Variants in TMEM231 observed in about 807,000 individuals in gnomAD.
TMEM231 encodes the protein transmembrane protein 231.
In TMEM231, 40 loss-of-function variants were observed where a neutral mutation model predicts 38.5. The observed-to-expected ratio is 1.04, with a 90% CI of 0.81 to 1.35. The LOEUF (loss-of-function observed/expected upper bound fraction) is 1.35. Ranked by LOEUF, TMEM231 falls within the 40% of genes most tolerant of loss-of-function variation. TMEM231 has a pLI of 0.00. For missense variants in TMEM231, 420 were observed against 416.9 expected (o/e 1.01, Z -0.07); for synonymous variants, 199 against 181.7 (o/e 1.10, Z -0.77).
chr16:75,551,436 A>C (rs529112794), intron 2 of TMEM231, among the ~76,000 whole-genome samples: 21 of 151,884 alleles, frequency 1.4e-4, no homozygotes, highest in Middle Eastern at 3.4e-3. Flanking sequence ...TCAAGGGGCT[A>C]GCCTCCCAAA....
chr16:75,546,227 C>A, intron 2 of TMEM231: 1 of 911,330 alleles, frequency 1.1e-6, no homozygotes, highest in Non-Finnish European at 1.6e-6. Context: ...AGTATTTGTG[C>A]CTTTCAGTTG....
intron 2 of TMEM231, among the ~76,000 whole-genome samples, chr16:75,550,905 CG>C (rs1238624251): frequency 6.6e-6 from 1 of 151,946 alleles, no homozygotes; most frequent in African/African-American, 2.4e-5. Context: ...TTAGTAGAGA[CG>C]GGGTTTCACC....
At chr16:75,554,764 G>A (rs2080793854) in intron 2 of TMEM231, among the ~76,000 whole-genome samples, 1 of 152,040 alleles carries the variant, frequency 6.6e-6, no homozygotes, top group Non-Finnish European at 1.5e-5. Context: ...CAGAATATAA[G>A]AACATTTATA....
chr16:75,540,258 T>A (rs1232181198), intron 6 of TMEM231, 84 bp from the exon 7 acceptor site: 2 of 1,383,410 alleles, frequency 1.4e-6, no homozygotes, highest in Non-Finnish European at 1.9e-6. Context: ...GGCAGAGGTA[T>A]CTCGAAAGGA....
At chr16:75,546,775 C>A (rs756823406) in intron 2 of TMEM231, among the ~76,000 whole-genome samples, 6 of 152,142 alleles carry the variant, frequency 3.9e-5, no homozygotes, top group African/African-American at 1.2e-4. Flanking sequence ...TCTGAAACCA[C>A]GAGTGTCTTT....
In TMEM231 at chr16:75,537,241, T is replaced by C. The variant is rs1366915054; in HGVS notation, c.*2753A>G. ...AAACCCCCAGGTTGTACAATTTAGC[T>C]ATATACGAAACCCATACATATACCC... On this transcript the variant is annotated 3_prime_UTR_variant, in exon 7 of 7. Transcript: ENST00000258173. The C allele has an allele frequency of 6.6e-6, 1 of 151,364 alleles. No homozygotes were observed. Among genetic ancestry groups the C allele is most frequent in the East Asian group, 1.9e-4 (1 of 5,160 alleles). The allele number at this position is 151,364 out of a possible 1,614,324, so 9.4% of individuals were successfully genotyped here.
At chr16:75,549,388 C>T (rs566337730) in intron 2 of TMEM231, among the ~76,000 whole-genome samples, 115 of 152,308 alleles carry the variant, frequency 7.6e-4, no homozygotes, top group South Asian at 2.3e-3. Flanking sequence ...ATATCTACAA[C>T]GTATATACAG....
rs2080566497 is a variant in TMEM231 at position 75,537,013 on chromosome 16, T to G, written c.*2981A>C. 1 of 150,316 alleles carries G rather than the reference T, an allele frequency of 6.7e-6. No individual in the cohort carries two copies. Among genetic ancestry groups the G allele is most frequent in the Admixed American group, 6.7e-5 (1 of 14,972 alleles). The allele number at this position is 150,316 out of a possible 1,614,324, so 9.3% of individuals were successfully genotyped here. A position where few individuals can be genotyped will look rare whatever the true frequency, so the allele number is the denominator to read the frequency against. On this transcript the variant is annotated 3_prime_UTR_variant, in exon 7 of 7. Coordinates refer to ENST00000258173, the MANE Select transcript of TMEM231 (RefSeq NM_001077418.3). Reference sequence around the variant, plus strand: ...GGTGGGCACCCGTAATCCCAGCTACTCGGGAGGGTAAGGCAGGAGAATCAC... The same window carrying G: ...GGTGGGCACCCGTAATCCCAGCTACGCGGGAGGGTAAGGCAGGAGAATCAC...
intron 4 of TMEM231, among the ~76,000 whole-genome samples, chr16:75,543,599 C>G (rs1011163582): frequency 1.3e-5 from 2 of 151,922 alleles, no homozygotes; most frequent in African/African-American, 4.8e-5. Context: ...AAATAAAAAC[C>G]CCTACACAAA....
intron 2 of TMEM231, 52 bp from the exon 3 acceptor site, chr16:75,546,006 G>A: frequency 6.4e-7 from 1 of 1,560,774 alleles, no homozygotes; most frequent in Non-Finnish European, 8.7e-7. Context: ...AGTCTGGGAG[G>A]AATCCACATC....
intron 2 of TMEM231, among the ~76,000 whole-genome samples, chr16:75,552,067 C>T (rs1348174134): frequency 2.1e-5 from 3 of 141,700 alleles, no homozygotes; most frequent in Admixed American, 6.8e-5. Context: ...AACACTTTAA[C>T]TCAGTCAACA....
intron 2 of TMEM231, among the ~76,000 whole-genome samples, chr16:75,553,316 ACT>A (rs2080781178): frequency 6.6e-6 from 1 of 152,222 alleles, no homozygotes; most frequent in Non-Finnish European, 1.5e-5. Flanking sequence ...TCCAGTCCAG[ACT>A]CTGTTCACTT....
At chr16:75,547,693 C>T (rs372605349) in intron 2 of TMEM231, among the ~76,000 whole-genome samples, 1 of 152,084 alleles carries the variant, frequency 6.6e-6, no homozygotes, top group East Asian at 1.9e-4. Flanking sequence ...GCAGGAGAAT[C>T]GCTTGAACCA....
In TMEM231 at chr16:75,539,990, C is replaced by T; in HGVS notation, c.*4G>A. 1.2e-6 allele frequency: 2 copies of T among 1,606,678 alleles called. No homozygotes were observed. Among genetic ancestry groups the T allele is most frequent in the Non-Finnish European group, 1.7e-6 (2 of 1,176,666 alleles). Reference sequence around the variant, plus strand: ...GTCCTGCTGAGTCTTCAGAAATGGCCTTTCTAGGATAAGTGCTCCTTACAC... The same window carrying T: ...GTCCTGCTGAGTCTTCAGAAATGGCTTTTCTAGGATAAGTGCTCCTTACAC... On this transcript the variant is annotated 3_prime_UTR_variant, in exon 7 of 7. Transcript: ENST00000258173.
chr16:75,551,320 C>G (rs1225850508), intron 2 of TMEM231, among the ~76,000 whole-genome samples: 1 of 152,162 alleles, frequency 6.6e-6, no homozygotes, highest in Non-Finnish European at 1.5e-5. Flanking sequence ...ACCTCAGCCT[C>G]CTGAGTAGCT....
chr16:75,539,773 A>G lies in TMEM231; in HGVS notation c.*221T>C. 2 of 415,188 alleles carry G rather than the reference A, an allele frequency of 4.8e-6. No individual in the cohort carries two copies. Among genetic ancestry groups the G allele is most frequent in the South Asian group, 7.9e-5 (1 of 12,698 alleles). The allele number at this position is 415,188 out of a possible 1,614,324, so 25.7% of individuals were successfully genotyped here. A position where few individuals can be genotyped will look rare whatever the true frequency, so the allele number is the denominator to read the frequency against. On this transcript the variant is annotated 3_prime_UTR_variant, in exon 7 of 7. Transcript: ENST00000258173. ...ACCCAAAAAGCTAATTATAGCCTCC[A>G]GGAACTCTCAGACCTTTCCACAAAC...
intron 2 of TMEM231, among the ~76,000 whole-genome samples, chr16:75,551,273 T>C (rs2080757839): frequency 6.6e-6 from 1 of 152,152 alleles, no homozygotes; most frequent in African/African-American, 2.4e-5. Flanking sequence ...TCACAGCTCA[T>C]TGCAGCCTTG....
chr16:75,553,758 A>C (rs1309734984), intron 2 of TMEM231, among the ~76,000 whole-genome samples: 2 of 152,040 alleles, frequency 1.3e-5, no homozygotes, highest in Non-Finnish European at 2.9e-5. Context: ...CCTGGGCTCA[A>C]GCAATCCTCC....
rs1366878493 is a variant in TMEM231 at position 75,537,169 on chromosome 16, A to G, written c.*2825T>C. 6.8e-6 allele frequency: 1 copy of G among 146,896 alleles called. No individual in the cohort carries two copies. Among genetic ancestry groups the G allele is most frequent in the Non-Finnish European group, 1.5e-5 (1 of 68,216 alleles). 9.1% of individuals were successfully genotyped at this position (146,896 alleles called of 1,614,324 possible). On this transcript the variant is annotated 3_prime_UTR_variant, in exon 7 of 7. Transcript: ENST00000258173. ...AAGAAAAAGAAAAGAAAAACCACCTACTGGGTACTATGCTTATTACGTGGG... is the reference window on the plus strand; with the variant it reads ...AAGAAAAAGAAAAGAAAAACCACCTGCTGGGTACTATGCTTATTACGTGGG...
Sources: gnomAD v4.1 joint callset for allele counts (sites outside exome capture counted in the v4.1 genomes callset) on GRCh38, gnomAD v4.1.1 for gene constraint, MANE v1.5 for transcripts, NCBI Gene and HGNC (gene_info 2026-07-23, HGNC 2026-07-21) for gene names.